The following ABTB3 variants were observed in gnomAD, a reference collection of about 807,000 sequenced individuals.
ABTB3 encodes ankyrin repeat- and BTB/POZ domain-containing protein 3.
chr12:107,658,957 T>C, the ABTB3 span: 2 of 152,694 alleles, frequency 1.3e-5, no homozygotes, highest in African/African-American at 2.4e-5. Context: ...CAGGGTTTCG[T>C]TGGCTCTGCC....
chr12:107,495,966 G>C, the ABTB3 span, among the ~76,000 whole-genome samples: 1 of 152,172 alleles, frequency 6.6e-6, no homozygotes, highest in Non-Finnish European at 1.5e-5. Flanking sequence ...GATGAAGATG[G>C]TGATGATGAT....
the ABTB3 span, among the ~76,000 whole-genome samples, chr12:107,382,656 A>C: frequency 6.6e-6 from 1 of 151,906 alleles, no homozygotes; most frequent in East Asian, 1.9e-4. Flanking sequence ...AAACTAACAA[A>C]CGAACAGAAA....
chr12:107,510,643 AGTGGCTCATGCCT>A, the ABTB3 span, among the ~76,000 whole-genome samples: 1 of 152,158 alleles, frequency 6.6e-6, no homozygotes, highest in Non-Finnish European at 1.5e-5. Context: ...GGCTCGGCAC[AGTGGCTCATGCCT>A]GTGAAAGGAA....
At chr12:107,442,572 G>A in the ABTB3 span, among the ~76,000 whole-genome samples, 1 of 152,150 alleles carries the variant, frequency 6.6e-6, no homozygotes, top group Non-Finnish European at 1.5e-5. Context: ...AGAGGCTTGT[G>A]GGGCTCTTTC....
At chr12:107,363,304 T>C in the ABTB3 span, among the ~76,000 whole-genome samples, 55 of 152,254 alleles carry the variant, frequency 3.6e-4, no homozygotes, top group African/African-American at 1.3e-3. Context: ...ACAAGTGTCC[T>C]TGCTTCTTAG....
the ABTB3 span, among the ~76,000 whole-genome samples, chr12:107,441,422 G>A: frequency 4.7e-3 from 711 of 152,168 alleles, 3 homozygotes; most frequent in African/African-American, 0.016. Context: ...AGAACACATC[G>A]ACACAAGGAG....
the ABTB3 span, among the ~76,000 whole-genome samples, chr12:107,454,179 G>A: frequency 6.6e-6 from 1 of 152,252 alleles, no homozygotes; most frequent in Non-Finnish European, 1.5e-5. Flanking sequence ...TGGGGATGCA[G>A]CATTAGTCCC....
At chr12:107,350,951 C>T in the ABTB3 span, among the ~76,000 whole-genome samples, 1 of 152,078 alleles carries the variant, frequency 6.6e-6, no homozygotes, top group Non-Finnish European at 1.5e-5. Context: ...AACCAACTCC[C>T]AGTGAGGTTT....
At chr12:107,593,152 GAGCAAACTAT>G in the ABTB3 span, among the ~76,000 whole-genome samples, 1 of 152,198 alleles carries the variant, frequency 6.6e-6, no homozygotes, top group Admixed American at 6.5e-5. Context: ...GAGCAGGGGT[GAGCAAACTAT>G]AGCTGCTTGC....
the ABTB3 span, among the ~76,000 whole-genome samples, chr12:107,359,639 C>T: frequency 6.6e-6 from 1 of 152,168 alleles, no homozygotes; most frequent in Non-Finnish European, 1.5e-5. Context: ...GGACTGCACT[C>T]AGTGCAGCCG....
chr12:107,520,483 G>T, the ABTB3 span: 9 of 1,613,222 alleles, frequency 5.6e-6, no homozygotes, highest in Non-Finnish European at 7.6e-6. Flanking sequence ...CCTTCTGACT[G>T]CAGGGGTGCT....
At chr12:107,568,014 G>C in the ABTB3 span, among the ~76,000 whole-genome samples, 1 of 152,170 alleles carries the variant, frequency 6.6e-6, no homozygotes, top group African/African-American at 2.4e-5. Flanking sequence ...CCTAACAGAG[G>C]ATTTCTCAGA....
At chr12:107,331,033 GGATTAACT>G in the ABTB3 span, among the ~76,000 whole-genome samples, 1 of 152,168 alleles carries the variant, frequency 6.6e-6, no homozygotes, top group South Asian at 2.1e-4. Context: ...GAGGCTGCAT[GGATTAACT>G]GATTTTCTCT....
the ABTB3 span, among the ~76,000 whole-genome samples, chr12:107,544,691 A>G: frequency 1.3e-5 from 2 of 152,178 alleles, no homozygotes; most frequent in African/African-American, 4.8e-5. Context: ...CACTTCCTTT[A>G]GCGACGGATT....
the ABTB3 span, among the ~76,000 whole-genome samples, chr12:107,505,380 A>T: frequency 6.6e-6 from 1 of 152,186 alleles, no homozygotes; most frequent in Non-Finnish European, 1.5e-5. Context: ...TGACACCGAG[A>T]AAAACTAGAT....
chr12:107,612,747 G>A, the ABTB3 span: 26 of 1,581,290 alleles, frequency 1.6e-5, no homozygotes, highest in Non-Finnish European at 1.9e-5. Context: ...CCTTGTAAAC[G>A]TTTTCCGTTC....
chr12:107,653,268 G>A, the ABTB3 span, among the ~76,000 whole-genome samples: 2 of 152,138 alleles, frequency 1.3e-5, no homozygotes, highest in South Asian at 4.1e-4. Context: ...TGTAATCCCA[G>A]CACTTTTGCA....
At chr12:107,617,144 A>T in the ABTB3 span, 2 of 1,614,158 alleles carry the variant, frequency 1.2e-6, no homozygotes, top group Non-Finnish European at 1.7e-6. Context: ...GGCGAGGAGA[A>T]CTACTCGGAA....
the ABTB3 span, among the ~76,000 whole-genome samples, chr12:107,597,179 T>C: frequency 5.3e-5 from 8 of 152,192 alleles, no homozygotes; most frequent in African/African-American, 1.9e-4. Flanking sequence ...TATCTTGAGC[T>C]CCAGAAATTA....
Sources: gnomAD v4.1 joint callset for allele counts (sites outside exome capture counted in the v4.1 genomes callset) on GRCh38, gnomAD v4.1.1 for gene constraint, MANE v1.5 for transcripts, NCBI Gene and HGNC (gene_info 2026-07-23, HGNC 2026-07-21) for gene names.